TRAPPC9: variants seen among roughly 807,000 people sequenced by gnomAD.
TRAPPC9 encodes the protein IKK2 binding protein.
Under a neutral mutation model 124.0 loss-of-function variants are expected in TRAPPC9, and 83 were observed. The observed-to-expected ratio is 0.67, with a 90% CI of 0.56 to 0.80. TRAPPC9 has a LOEUF of 0.80. Among genes scored for constraint, TRAPPC9 ranks in the 30% least tolerant of loss-of-function variants. The pLI is 0.00. For synonymous variants in TRAPPC9, 638 were observed against 617.5 expected, an observed-to-expected ratio of 1.03 and a Z score of -0.49; for missense variants, 1,302 against 1,508.3, an observed-to-expected ratio of 0.86 and a Z score of 2.27.
At chr8:140,052,211 A>AAACAAC (rs58435328) in intron 17 of TRAPPC9, among the ~76,000 whole-genome samples, 71 of 151,718 alleles carry the variant, frequency 4.7e-4, no homozygotes, top group East Asian at 2.9e-3. Context: ...GTATTCTCCA[A>AAACAAC]AACAACAACA....
chr8:140,278,187 T>C (rs2065187678), intron 14 of TRAPPC9, among the ~76,000 whole-genome samples: 1 of 151,970 alleles, frequency 6.6e-6, no homozygotes, highest in Non-Finnish European at 1.5e-5. Flanking sequence ...CACTGCAACC[T>C]CTGCCTCCCG....
intron 10 of TRAPPC9, among the ~76,000 whole-genome samples, chr8:140,308,929 A>C (rs1240657225): frequency 6.6e-6 from 1 of 152,112 alleles, no homozygotes; most frequent in African/African-American, 2.4e-5. Flanking sequence ...ACTGGGCAAG[A>C]ACAATGGCAC....
At chr8:140,358,201 T>G (rs1295172208) in intron 9 of TRAPPC9, among the ~76,000 whole-genome samples, 1 of 152,178 alleles carries the variant, frequency 6.6e-6, no homozygotes, top group Non-Finnish European at 1.5e-5. Context: ...TAATGTATAC[T>G]AGGTTTCTTT....
chr8:140,070,630 A>G (rs1264681215), intron 17 of TRAPPC9, among the ~76,000 whole-genome samples: 1 of 152,218 alleles, frequency 6.6e-6, no homozygotes, highest in Non-Finnish European at 1.5e-5. Flanking sequence ...TCGTTTCGAA[A>G]TTGACCATAG....
At chr8:140,452,102 CAG>C (rs2071482768) in intron 1 of TRAPPC9, among the ~76,000 whole-genome samples, 1 of 144,116 alleles carries the variant, frequency 6.9e-6, no homozygotes, top group East Asian at 2.0e-4. Context: ...GCCTGGGTGA[CAG>C]AGTGAGACTC....
intron 17 of TRAPPC9, among the ~76,000 whole-genome samples, chr8:140,180,154 T>C (rs1216169864): frequency 2.6e-5 from 4 of 151,732 alleles, no homozygotes; most frequent in Non-Finnish European, 5.9e-5. Context: ...CTTCTTTTCC[T>C]CCCTTATTTT....
chr8:139,992,214 A>G (rs1837693299), intron 18 of TRAPPC9, among the ~76,000 whole-genome samples: 1 of 152,236 alleles, frequency 6.6e-6, no homozygotes, highest in Non-Finnish European at 1.5e-5. Flanking sequence ...AAATAAATCT[A>G]ACAAAATATA....
At chr8:140,287,556 C>A (rs932501391) in intron 13 of TRAPPC9, 52 bp downstream of exon 13, 1 of 1,612,612 alleles carries the variant, frequency 6.2e-7, no homozygotes. Flanking sequence ...GGAGGCCATG[C>A]AAGGGTTCAG....
chr8:139,948,232 G>A (rs1834391170), intron 19 of TRAPPC9, among the ~76,000 whole-genome samples: 2 of 148,886 alleles, frequency 1.3e-5, no homozygotes, highest in African/African-American at 5.0e-5. Context: ...ACTGAGTGGG[G>A]GAAGATGGTT....
chr8:139,814,156 A>G (rs367898481), intron 21 of TRAPPC9, among the ~76,000 whole-genome samples: 265 of 152,366 alleles, frequency 1.7e-3, no homozygotes, highest in African/African-American at 6.1e-3. Context: ...CAGTCCACCC[A>G]GCAGCCCTGT....
intron 17 of TRAPPC9, among the ~76,000 whole-genome samples, chr8:140,218,168 A>G (rs2131299897): frequency 6.6e-6 from 1 of 152,286 alleles, no homozygotes; most frequent in East Asian, 1.9e-4. Flanking sequence ...GAACCTCTCC[A>G]CTACTCCACC....
rs766369011 is a variant in TRAPPC9, at chr8:140,275,678, G to C, written c.2258C>G (p.Ser753Trp). ...CCTACCTTTAGTGGTGAGAACTTTC[G>C]AGGTGACCTCCAGTTTCTCCAATGG... Reference protein sequence around the residue: ...MEPLEKLEVTSKVLTTKEKLY... With the variant: ...MEPLEKLEVTWKVLTTKEKLY... The change falls in exon 15 of 23, where the codon TCG becomes TGG. Residue 753 changes from serine to tryptophan, a missense_variant. Around this residue, in one of 3 missense-constraint regions of TRAPPC9, gnomAD observed 640 missense variants for 679.3 expected, o/e 0.94. Coordinates refer to ENST00000438773, the MANE Select transcript of TRAPPC9 (RefSeq NM_001160372.4). The C allele has an allele frequency of 2.5e-6, 4 of 1,614,010 alleles. No homozygotes were observed. The highest frequency in any genetic ancestry group is 1.3e-5 in the African/African-American group (1 of 74,910).
intron 17 of TRAPPC9, among the ~76,000 whole-genome samples, chr8:140,151,757 G>A (rs1045346478): frequency 7.2e-5 from 11 of 152,132 alleles, no homozygotes; most frequent in African/African-American, 2.4e-4. Flanking sequence ...CAGAAGGTCC[G>A]TCATCAGCTA....
intron 21 of TRAPPC9, among the ~76,000 whole-genome samples, chr8:139,816,992 G>T (rs960065262): frequency 6.7e-6 from 1 of 150,158 alleles, no homozygotes; most frequent in Non-Finnish European, 1.5e-5. Context: ...CATTTTTGAT[G>T]AATCCTTGTG....
chr8:139,809,825 A>G (rs1243559800), intron 21 of TRAPPC9, among the ~76,000 whole-genome samples: 1 of 152,166 alleles, frequency 6.6e-6, no homozygotes, highest in South Asian at 2.1e-4. Flanking sequence ...CTGAGCCACC[A>G]GATACCCCAC....
At position 140,177,100 on chromosome 8, in the gene TRAPPC9, T is replaced by C. The variant is rs577769927; in HGVS notation, c.2556+44359A>G. Among the ~76,000 whole-genome samples the C allele has an allele frequency of 2.0e-4, 30 of 152,344 alleles. 1 individual carries two copies. Among genetic ancestry groups the C allele is most frequent in the Non-Finnish European group, 3.8e-4 (26 of 68,018 alleles). ...ATACTTACTCCAAGGCTGAGCTTGC[T>C]TTTTTATTGCTTTAAAAGTGGCTTT... On this transcript the variant is annotated intron_variant, in intron 17 of 22. Transcript: ENST00000438773.
intron 10 of TRAPPC9, among the ~76,000 whole-genome samples, chr8:140,301,632 G>A (rs2065979229): frequency 6.6e-6 from 1 of 152,200 alleles, no homozygotes. Context: ...AGCAGAGGTG[G>A]GAAAACAGGA....
intron 16 of TRAPPC9, among the ~76,000 whole-genome samples, chr8:140,249,613 T>C (rs1347610293): frequency 7.1e-6 from 1 of 141,300 alleles, no homozygotes; most frequent in East Asian, 2.0e-4. Context: ...TTTTTTTTTT[T>C]TTTTTTTTGA....
chr8:140,238,236 A>C (rs534481720), intron 16 of TRAPPC9: 10 of 152,350 alleles, frequency 6.6e-5, no homozygotes, highest in African/African-American at 1.7e-4. Flanking sequence ...TTTTCATTCT[A>C]TCCTGCTAGT....
Sources: gnomAD v4.1 joint callset for allele counts (sites outside exome capture counted in the v4.1 genomes callset) on GRCh38, gnomAD v4.1.1 for gene constraint, gnomAD v4.1.1 regional missense constraint, MANE v1.5 for transcripts, NCBI Gene and HGNC (gene_info 2026-07-23, HGNC 2026-07-21) for gene names.